The following P4HA2 variants were observed in gnomAD, a reference collection of about 807,000 sequenced individuals.
P4HA2 encodes the protein prolyl 4-hydroxylase subunit alpha 2.
A neutral mutation model predicts 76.9 loss-of-function variants in P4HA2; 46 were observed. The observed-to-expected ratio is 0.60, with a 90% CI of 0.47 to 0.76. P4HA2 has a LOEUF of 0.76. Among genes scored for constraint, P4HA2 ranks in the 30% least tolerant of loss-of-function variants. The pLI is 0.00. For missense variants in P4HA2, 583 were observed against 669.4 expected (o/e 0.87, Z 1.42); for synonymous variants, 243 against 254.0 (o/e 0.96, Z 0.41).
At chr5:132,199,149 T>C (rs1309242259) in intron 10 of P4HA2, among the ~76,000 whole-genome samples, 2 of 152,094 alleles carry the variant, frequency 1.3e-5, no homozygotes, top group African/African-American at 2.4e-5. Context: ...GCGGCACAAA[T>C]GTGGTTTCCC....
intron 5 of P4HA2, among the ~76,000 whole-genome samples, chr5:132,213,455 G>C (rs1426830886): frequency 6.6e-6 from 1 of 152,216 alleles, no homozygotes; most frequent in Non-Finnish European, 1.5e-5. Context: ...AGATGAGCAA[G>C]AATAGAGCCT....
intron 1 of P4HA2, among the ~76,000 whole-genome samples, chr5:132,221,825 C>A (rs1173903302): frequency 6.6e-6 from 1 of 152,178 alleles, no homozygotes; most frequent in Non-Finnish European, 1.5e-5. Context: ...AGTGTTTGGA[C>A]CCCCACAGGA....
chr5:132,225,167 C>T (rs2126643190), intron 1 of P4HA2, among the ~76,000 whole-genome samples: 1 of 152,266 alleles, frequency 6.6e-6, no homozygotes, highest in South Asian at 2.1e-4. Flanking sequence ...ATGTCTTACC[C>T]TAAGGAACTT....
At position 132,217,686 on chromosome 5, in the gene P4HA2, T is replaced by TTC. The variant is rs1260254510; in HGVS notation, c.179+64_179+65dup. On this transcript the variant is annotated intron_variant, in intron 3 of 14. Transcript: ENST00000360568. The stretch of plus-strand genomic sequence containing the variant: ...TCCTCTTATAGGCACCCTGGATGGC[T>TTC]TCCTTGTTCCTTGAGGGGCAGAAGG... The TTC allele has an allele frequency of 4.9e-6, 5 of 1,011,084 alleles. No individual in the cohort carries two copies. The Admixed American group carries it at 8.5e-5, about 17-fold the overall frequency. The allele number at this position is 1,011,084 out of a possible 1,614,324, so 62.6% of individuals were successfully genotyped here.
chr5:132,226,225 C>T (rs1178166223), intron 1 of P4HA2, among the ~76,000 whole-genome samples: 1 of 152,160 alleles, frequency 6.6e-6, no homozygotes. Context: ...ACCCCAAAAA[C>T]ATCCTATAAA....
chr5:132,196,777 C>T (rs1750698922), intron 12 of P4HA2, among the ~76,000 whole-genome samples: 1 of 147,912 alleles, frequency 6.8e-6, no homozygotes, highest in Admixed American at 6.8e-5. Flanking sequence ...AGGAGAATCG[C>T]TTGAACCTGG....
intron 8 of P4HA2, among the ~76,000 whole-genome samples, chr5:132,205,051 T>A (rs1484215773): frequency 1.3e-5 from 2 of 152,192 alleles, no homozygotes; most frequent in East Asian, 3.9e-4. Context: ...TATTGATGAG[T>A]GCCTACTTTG....
At position 132,221,245 on chromosome 5, in the gene P4HA2, T is replaced by C. The variant is rs538502110; in HGVS notation, c.-18-2601A>G. ...AAAGCCCTCCCAGAAACCCTCAGAATCCAACTGGAATAAGTCTGGAGGTGA... is the reference window on the plus strand; with the variant it reads ...AAAGCCCTCCCAGAAACCCTCAGAACCCAACTGGAATAAGTCTGGAGGTGA... On this transcript the variant is annotated intron_variant, in intron 1 of 14. Coordinates refer to ENST00000360568, the MANE Select transcript of P4HA2 (RefSeq NM_001017974.2). Among the ~76,000 whole-genome samples, 3 of 152,238 alleles carry C rather than the reference T, an allele frequency of 2.0e-5. 1 individual carries two copies. The South Asian group carries it at 6.2e-4, about 32-fold the overall frequency.
rs1261627972 is a variant in P4HA2, at chr5:132,210,466, G to T, written c.527C>A (p.Ala176Asp). The T allele has an allele frequency of 1.9e-6, 3 of 1,614,040 alleles. No individual in the cohort carries two copies. Among genetic ancestry groups the T allele is most frequent in the African/African-American group, 2.7e-5 (2 of 75,030 alleles). ...ATGATAATAGTCCCCTTCATTGTAG[G>T]CCGAGCGGCCCATCCCAAAGCAGTC... ...VDDCFGMGRS[A>D]YNEGDYYHTV... The change falls in exon 6 of 15, where the codon GCC becomes GAC. Residue 176 changes from alanine to aspartate, a missense_variant. Coordinates refer to ENST00000360568, the MANE Select transcript of P4HA2 (RefSeq NM_001017974.2).
intron 12 of P4HA2, among the ~76,000 whole-genome samples, chr5:132,197,385 A>G (rs1242788144): frequency 6.6e-6 from 1 of 152,168 alleles, no homozygotes; most frequent in Non-Finnish European, 1.5e-5. Flanking sequence ...AGGGGGGCGG[A>G]TCACCTGAGG....
intron 4 of P4HA2, among the ~76,000 whole-genome samples, chr5:132,216,983 A>T (rs1753984193): frequency 6.6e-6 from 1 of 152,210 alleles, no homozygotes; most frequent in South Asian, 2.1e-4. Context: ...AGACGCTAAA[A>T]AAAGAACTGA....
intron 5 of P4HA2, 25 bp from the exon 6 acceptor site, chr5:132,210,548 A>G: frequency 6.2e-7 from 1 of 1,613,312 alleles, no homozygotes; most frequent in Non-Finnish European, 8.5e-7. Context: ...GTAAATTGTC[A>G]GGCTCCAAAG....
chr5:132,198,283 A>G (rs775706884), intron 12 of P4HA2, 38 bp downstream of exon 12: 1 of 1,614,186 alleles, frequency 6.2e-7, no homozygotes, highest in Non-Finnish European at 8.5e-7. Context: ...TACAAAATTA[A>G]GTGAGAATGA....
rs201045885 is a variant in P4HA2, at chr5:132,210,532, G to A, written c.470-9C>T. 2.7e-4 allele frequency: 443 copies of A among 1,613,828 alleles called. 5 individuals carry two copies. The South Asian group carries it at 3.4e-3, about 13-fold the overall frequency. ...TGCCTGGTACTTGGTTCCTACAGCAGGGGAAGTAAATTGTCAGGCTCCAAA... is the reference window on the plus strand; with the variant it reads ...TGCCTGGTACTTGGTTCCTACAGCAAGGGAAGTAAATTGTCAGGCTCCAAA... On this transcript the variant is annotated splice_polypyrimidine_tract_variant and intron_variant, in intron 5 of 14. Coordinates refer to ENST00000360568, the MANE Select transcript of P4HA2 (RefSeq NM_001017974.2).
At chr5:132,210,134 C>T in intron 6 of P4HA2, 150 bp downstream of exon 6, 1 of 839,134 alleles carries the variant, frequency 1.2e-6, no homozygotes, top group East Asian at 2.5e-5. Flanking sequence ...AGAAGCTGGA[C>T]TGGTCCTAAA....
chr5:132,193,141 G>T, intron 14 of P4HA2, 61 bp from the exon 15 acceptor site: 1 of 1,146,962 alleles, frequency 8.7e-7, no homozygotes, highest in South Asian at 1.2e-5. Context: ...CTGAATGAAT[G>T]ACTCCTTCAT....
intron 8 of P4HA2, among the ~76,000 whole-genome samples, chr5:132,206,276 G>A (rs1752201966): frequency 6.6e-6 from 1 of 152,152 alleles, no homozygotes; most frequent in Non-Finnish European, 1.5e-5. Flanking sequence ...CTTTCCTGGA[G>A]GACTCTGGAG....
chr5:132,194,909 C>G lies in P4HA2; in HGVS notation c.1531+17G>C. The G allele has an allele frequency of 6.4e-7, 1 of 1,564,950 alleles. No homozygotes were observed. The highest frequency in any genetic ancestry group is 8.8e-7 in the Non-Finnish European group (1 of 1,135,116). On this transcript the variant is annotated intron_variant, in intron 14 of 14. Coordinates refer to ENST00000360568, the MANE Select transcript of P4HA2 (RefSeq NM_001017974.2). ...GCTGAGGCCACCAACACCAACACTACCCCTTAAGACACTCACCCCACTTGC... is the reference window on the plus strand; with the variant it reads ...GCTGAGGCCACCAACACCAACACTAGCCCTTAAGACACTCACCCCACTTGC...
chr5:132,207,818 T>C lies in P4HA2; in HGVS notation c.970A>G (p.Ile324Val). 4 of 1,611,430 alleles carry C rather than the reference T, an allele frequency of 2.5e-6. No individual in the cohort carries two copies. The highest frequency in any genetic ancestry group is 3.4e-6 in the Non-Finnish European group (4 of 1,178,668). ...HHGNRAPQLL[I>V]APFKEEDEWD... The stretch of plus-strand genomic sequence containing the variant: ...TCGTCCTCCTCTTTGAAGGGGGCAA[T>C]GAGCAGCTGTGGGGCCCTGTTGCCA... Residue 324 changes from isoleucine to valine, a missense_variant, in exon 8 of 15, where the codon ATT (isoleucine) becomes GTT (valine). Coordinates refer to ENST00000360568, the MANE Select transcript of P4HA2 (RefSeq NM_001017974.2).
Sources: gnomAD v4.1 joint callset for allele counts (sites outside exome capture counted in the v4.1 genomes callset) on GRCh38, gnomAD v4.1.1 for gene constraint, MANE v1.5 for transcripts, NCBI Gene and HGNC (gene_info 2026-07-23, HGNC 2026-07-21) for gene names.